Variants in SGCZ observed in about 807,000 individuals in gnomAD.
SGCZ encodes sarcoglycan zeta, also known as zeta-sarcoglycan.
In SGCZ, 40 loss-of-function variants were observed where a neutral mutation model predicts 41.3. The observed-to-expected ratio is 0.97, with a 90% CI of 0.75 to 1.26. The LOEUF is 1.26. Among genes scored for constraint, SGCZ ranks in the 50% most tolerant of loss-of-function variants. The pLI is 0.00. For synonymous variants in SGCZ, 206 were observed against 137.5 expected, an observed-to-expected ratio of 1.50 and a Z score of -3.49; for missense variants, 552 against 369.8, an observed-to-expected ratio of 1.49 and a Z score of -4.04.
chr8:14,749,145 T>C lies in SGCZ; in HGVS notation c.40-194219A>G, dbSNP rs955162593. Among the ~76,000 whole-genome samples, 7 of 152,278 alleles carry C rather than the reference T, an allele frequency of 4.6e-5. 1 individual carries two copies. The highest frequency in any genetic ancestry group is 4.6e-4 in the Admixed American group (7 of 15,278). ...AATTTTCAAAAAAATGCTCATCCCATAAAACTGAGATTATATTTATAATTA... is the reference window on the plus strand; with the variant it reads ...AATTTTCAAAAAAATGCTCATCCCACAAAACTGAGATTATATTTATAATTA... On this transcript the variant is annotated intron_variant, in intron 1 of 7. Transcript: ENST00000382080.
intron 1 of SGCZ, among the ~76,000 whole-genome samples, chr8:14,962,494 T>A (rs1234387461): frequency 2.6e-5 from 4 of 152,104 alleles, no homozygotes; most frequent in African/African-American, 9.7e-5. Context: ...TAGAAGTTTC[T>A]CAAACAATAC....
At chr8:14,552,908 G>C (rs547640657) in intron 2 of SGCZ, among the ~76,000 whole-genome samples, 69 of 152,220 alleles carry the variant, frequency 4.5e-4, no homozygotes, top group African/African-American at 1.6e-3. Flanking sequence ...TGAAGTGAGA[G>C]AGCTTGTCGC....
chr8:14,120,634 T>C lies in SGCZ; in HGVS notation c.548-12399A>G, dbSNP rs1042278930. 7.2e-5 allele frequency among the ~76,000 whole-genome samples: 11 copies of C among 152,058 alleles called. 1 individual carries two copies. The highest frequency in any genetic ancestry group is 2.2e-4 in the African/African-American group (9 of 41,532). ...CTAACATGGTTCACATAAAATATGG[T>C]TTTCTATAGAAAAAAAATCCAAAAG... On this transcript the variant is annotated intron_variant, in intron 5 of 7. Coordinates refer to ENST00000382080, the MANE Select transcript of SGCZ (RefSeq NM_139167.4).
intron 2 of SGCZ, among the ~76,000 whole-genome samples, chr8:14,376,448 C>G (rs1340543821): frequency 6.6e-6 from 1 of 152,076 alleles, no homozygotes; most frequent in East Asian, 1.9e-4. Context: ...TGACATTTAA[C>G]CTTTATCCTT....
chr8:14,451,123 A>C (rs1282691196), intron 2 of SGCZ, among the ~76,000 whole-genome samples: 2 of 152,186 alleles, frequency 1.3e-5, no homozygotes, highest in Non-Finnish European at 1.5e-5. Context: ...TACACGTTAA[A>C]AGCAGGGTTT....
intron 3 of SGCZ, among the ~76,000 whole-genome samples, chr8:14,296,840 G>A (rs1334808194): frequency 6.6e-6 from 1 of 152,058 alleles, no homozygotes; most frequent in Admixed American, 6.6e-5. Context: ...AAAGATACTA[G>A]CCCAAGCATA....
At chr8:15,051,279 T>C (rs1411940822) in intron 1 of SGCZ, among the ~76,000 whole-genome samples, 1 of 152,184 alleles carries the variant, frequency 6.6e-6, no homozygotes, top group Non-Finnish European at 1.5e-5. Context: ...AAAAAGAATA[T>C]TTATTCTTAA....
At chr8:15,111,357 G>A (rs1807045383) in intron 1 of SGCZ, among the ~76,000 whole-genome samples, 2 of 152,088 alleles carry the variant, frequency 1.3e-5, no homozygotes, top group African/African-American at 2.4e-5. Flanking sequence ...AAAGTGCCTC[G>A]GATTGGCGAT....
At chr8:14,171,015 C>G (rs1804362848) in intron 4 of SGCZ, among the ~76,000 whole-genome samples, 1 of 151,860 alleles carries the variant, frequency 6.6e-6, no homozygotes, top group Non-Finnish European at 1.5e-5. Flanking sequence ...TTGTTAATGT[C>G]AAAAATGTTA....
At chr8:14,350,902 T>G (rs1334027674) in intron 2 of SGCZ, among the ~76,000 whole-genome samples, 1 of 152,156 alleles carries the variant, frequency 6.6e-6, no homozygotes, top group Non-Finnish European at 1.5e-5. Flanking sequence ...TATTATTTGG[T>G]TACAGGTGCT....
At chr8:15,215,337 G>A (rs375485090) in intron 1 of SGCZ, among the ~76,000 whole-genome samples, 9 of 152,088 alleles carry the variant, frequency 5.9e-5, no homozygotes, top group Admixed American at 1.3e-4. Context: ...TTTGGTATAC[G>A]CAAGAAGAAA....
chr8:14,721,610 G>C (rs529273978), intron 1 of SGCZ, among the ~76,000 whole-genome samples: 20 of 152,234 alleles, frequency 1.3e-4, no homozygotes, highest in African/African-American at 4.6e-4. Flanking sequence ...CCTGGTCTAA[G>C]GCACCACCAA....
In SGCZ at chr8:14,481,239, G is replaced by A. The variant is rs147036608; in HGVS notation, c.234+73493C>T. ...CAGGGAAATGCTATTTCAACACAGG[G>A]CAGGATGACATTTTACACTAGCCAG... is the stretch of plus-strand genomic sequence containing the variant. On this transcript the variant is annotated intron_variant, in intron 2 of 7. Coordinates refer to ENST00000382080, the MANE Select transcript of SGCZ (RefSeq NM_139167.4). Among the ~76,000 whole-genome samples, 3 of 152,180 alleles carry A rather than the reference G, an allele frequency of 2.0e-5. No homozygotes were observed. The East Asian group carries it at 5.8e-4, about 29-fold the overall frequency.
intron 1 of SGCZ, among the ~76,000 whole-genome samples, chr8:14,702,277 T>TTC (rs1356383815): frequency 5.9e-5 from 9 of 151,932 alleles, no homozygotes; most frequent in Non-Finnish European, 1.0e-4. Flanking sequence ...TGCCTGCTTC[T>TTC]TCTCTCTGTG....
At chr8:15,110,599 TC>T (rs1395606921) in intron 1 of SGCZ, among the ~76,000 whole-genome samples, 2 of 152,158 alleles carry the variant, frequency 1.3e-5, no homozygotes, top group Admixed American at 1.3e-4. Context: ...CACATGATGC[TC>T]AAGTTTGCTG....
At chr8:14,231,831 T>G (rs1806581954) in intron 4 of SGCZ, among the ~76,000 whole-genome samples, 1 of 152,104 alleles carries the variant, frequency 6.6e-6, no homozygotes, top group African/African-American at 2.4e-5. Flanking sequence ...TGCGTTCTTT[T>G]AAAGCACAGT....
intron 1 of SGCZ, among the ~76,000 whole-genome samples, chr8:15,102,792 A>G (rs1806665401): frequency 6.6e-6 from 1 of 152,202 alleles, no homozygotes; most frequent in Non-Finnish European, 1.5e-5. Context: ...TTATTTATAT[A>G]GAATCTCTAC....
chr8:14,282,182 T>C (rs1800468683), intron 3 of SGCZ, among the ~76,000 whole-genome samples: 1 of 152,150 alleles, frequency 6.6e-6, no homozygotes, highest in African/African-American at 2.4e-5. Context: ...TTCATAATAT[T>C]GTTTTCTTCT....
chr8:14,825,615 T>C (rs1802277585), intron 1 of SGCZ, among the ~76,000 whole-genome samples: 1 of 152,200 alleles, frequency 6.6e-6, no homozygotes, highest in South Asian at 2.1e-4. Flanking sequence ...ATTAATTAAC[T>C]CATTCATCCC....
Sources: allele counts gnomAD v4.1 joint callset (sites outside exome capture counted in the v4.1 genomes callset), GRCh38; gene constraint gnomAD v4.1.1; transcripts MANE v1.5; gene names NCBI Gene and HGNC (gene_info 2026-07-23, HGNC 2026-07-21).